PDE7B: variants seen among roughly 807,000 people sequenced by gnomAD.
PDE7B encodes the protein phosphodiesterase 7B.
A neutral mutation model predicts 56.2 loss-of-function variants in PDE7B; 29 were observed. The ratio of observed to expected loss-of-function variants is 0.52; its 90% CI spans 0.38 to 0.70. PDE7B has a LOEUF of 0.70. PDE7B is among the 30% of genes least tolerant of loss of function. The pLI, the probability that PDE7B is intolerant of heterozygous loss-of-function variation, is 0.00. For missense variants in PDE7B, 490 were observed against 565.0 expected (o/e 0.87, Z 1.35); for synonymous variants, 197 against 196.9 (o/e 1.00, Z 0.00).
chr6:136,057,838 G>A (rs901288539), intron 2 of PDE7B, among the ~76,000 whole-genome samples: 1 of 152,126 alleles, frequency 6.6e-6, no homozygotes, highest in Admixed American at 6.5e-5. Context: ...CCAGGTTCAA[G>A]CAATTCTCCT....
intron 8 of PDE7B, among the ~76,000 whole-genome samples, chr6:136,165,951 C>T (rs1778785761): frequency 6.6e-6 from 1 of 152,150 alleles, no homozygotes; most frequent in African/African-American, 2.4e-5. Flanking sequence ...CTCTGTCATA[C>T]GTGATGCTTA....
At chr6:135,953,586 GTTA>G (rs1054263629) in intron 2 of PDE7B, among the ~76,000 whole-genome samples, 8 of 151,512 alleles carry the variant, frequency 5.3e-5, no homozygotes, top group Admixed American at 2.0e-4. Context: ...ATAAATATAA[GTTA>G]TTATTTTTAT....
chr6:135,973,000 G>T (rs991081888), intron 2 of PDE7B, among the ~76,000 whole-genome samples: 1 of 152,070 alleles, frequency 6.6e-6, no homozygotes, highest in Non-Finnish European at 1.5e-5. Context: ...CAGGAGATCT[G>T]CCCTTTTAAC....
At chr6:136,029,421 T>C (rs1776202728) in intron 2 of PDE7B, among the ~76,000 whole-genome samples, 1 of 152,200 alleles carries the variant, frequency 6.6e-6, no homozygotes, top group South Asian at 2.1e-4. Context: ...TATGTGAACA[T>C]ATGCAAGTCA....
At chr6:136,176,367 T>C (rs1473568260) in intron 9 of PDE7B, among the ~76,000 whole-genome samples, 1 of 152,104 alleles carries the variant, frequency 6.6e-6, no homozygotes, top group Non-Finnish European at 1.5e-5. Context: ...ATTATAGATC[T>C]TTTCAGTTTA....
chr6:135,863,287 T>A (rs1443159876), intron 1 of PDE7B, among the ~76,000 whole-genome samples: 1 of 152,070 alleles, frequency 6.6e-6, no homozygotes, highest in Non-Finnish European at 1.5e-5. Context: ...TATTTTGCCA[T>A]CATTTGCTTA....
intron 2 of PDE7B, among the ~76,000 whole-genome samples, chr6:136,076,116 C>G (rs1227952327): frequency 6.6e-6 from 1 of 152,160 alleles, no homozygotes; most frequent in Non-Finnish European, 1.5e-5. Flanking sequence ...TGTATAGTGA[C>G]TGAGTTATAT....
In PDE7B at chr6:136,181,247, C is replaced by T. The variant is rs1372653476; in HGVS notation, c.969C>T (p.Asp323=). 2 of 1,613,534 alleles carry T rather than the reference C, an allele frequency of 1.2e-6. No individual in the cohort carries two copies. Among genetic ancestry groups the T allele is most frequent in the Admixed American group, 1.7e-5 (1 of 60,016 alleles). ...CTCAGATCGCCTTGAAGTGTGCTGA[C>T]ATTTGCAATCCTTGTAGAATCTGGG... is the stretch of plus-strand genomic sequence containing the variant. ...FMLQIALKCA[D]ICNPCRIWEM... Residue 323 remains aspartate (D), a synonymous_variant, in exon 11 of 13, where the codon GAC becomes GAT. Coordinates refer to ENST00000308191, the MANE Select transcript of PDE7B (RefSeq NM_018945.4).
At chr6:136,023,659 C>T (rs1776106890) in intron 2 of PDE7B, among the ~76,000 whole-genome samples, 1 of 152,162 alleles carries the variant, frequency 6.6e-6, no homozygotes, top group African/African-American at 2.4e-5. Flanking sequence ...TCAGTCTCTA[C>T]AGTCTCTTTC....
At position 135,932,136 on chromosome 6, in the gene PDE7B, A is replaced by G. The variant is rs1774305256; in HGVS notation, c.22-15328A>G. 5.3e-5 allele frequency among the ~76,000 whole-genome samples: 8 copies of G among 152,176 alleles called. No individual in the cohort carries two copies. The South Asian group carries it at 1.7e-3, about 32-fold the overall frequency. ...AAAAAATTTATAGGAAATTCAGGAA[A>G]GAAGAATGTTAACTTAGGCTCAAAA... is the stretch of plus-strand genomic sequence containing the variant. On this transcript the variant is annotated intron_variant, in intron 1 of 12. Coordinates refer to ENST00000308191, the MANE Select transcript of PDE7B (RefSeq NM_018945.4).
At chr6:136,149,919 C>G (rs1778482533) in intron 5 of PDE7B, among the ~76,000 whole-genome samples, 1 of 152,050 alleles carries the variant, frequency 6.6e-6, no homozygotes, top group African/African-American at 2.4e-5. Context: ...CGAAATGGAC[C>G]TTTACAGTGT....
chr6:135,917,430 A>G (rs569142904), intron 1 of PDE7B, among the ~76,000 whole-genome samples: 1 of 152,218 alleles, frequency 6.6e-6, no homozygotes, highest in East Asian at 1.9e-4. Flanking sequence ...TTTTAATTCT[A>G]AAAGTTTCAT....
At chr6:136,014,456 T>C (rs1775942617) in intron 2 of PDE7B, among the ~76,000 whole-genome samples, 1 of 152,260 alleles carries the variant, frequency 6.6e-6, no homozygotes, top group African/African-American at 2.4e-5. Context: ...AACACACTCT[T>C]ATTTGCAAGT....
At chr6:135,947,421 G>C in intron 1 of PDE7B, 43 bp from the exon 2 acceptor site, 1 of 1,430,118 alleles carries the variant, frequency 7.0e-7, no homozygotes. Context: ...TGGGAATCTT[G>C]ATATGAAATC....
intron 2 of PDE7B, among the ~76,000 whole-genome samples, chr6:136,061,714 G>C (rs1776844813): frequency 6.6e-6 from 1 of 152,182 alleles, no homozygotes; most frequent in South Asian, 2.1e-4. Context: ...TCAATGCTGG[G>C]CATAGTACCA....
chr6:135,946,663 A>C (rs1012990294), intron 1 of PDE7B, among the ~76,000 whole-genome samples: 1 of 152,054 alleles, frequency 6.6e-6, no homozygotes, highest in African/African-American at 2.4e-5. Flanking sequence ...CTACGGTTAA[A>C]TATGTTTTCT....
rs60829896 is a variant in PDE7B at position 135,935,190 on chromosome 6, TTATATATATA to T, written c.22-12256_22-12247del. On this transcript the variant is annotated intron_variant, in intron 1 of 12. Coordinates refer to ENST00000308191, the MANE Select transcript of PDE7B (RefSeq NM_018945.4). ...GAGAATTTTATATATATATATTTAT[TTATATATATA>T]TATATATATATATATATTTTCATGA... is the stretch of plus-strand genomic sequence containing the variant. Among the ~76,000 whole-genome samples, 5 of 36,188 alleles carry T rather than the reference TTATATATATA, an allele frequency of 1.4e-4. 1 individual carries two copies. Among genetic ancestry groups the T allele is most frequent in the African/African-American group, 3.6e-4 (3 of 8,354 alleles). 23.7% of individuals were successfully genotyped at this position (36,188 alleles called of 152,430 possible).
chr6:136,182,413 TA>T (rs1249728914), intron 11 of PDE7B, among the ~76,000 whole-genome samples: 2 of 152,200 alleles, frequency 1.3e-5, no homozygotes, highest in Non-Finnish European at 1.5e-5. Flanking sequence ...AAATTGGAGC[TA>T]GGGGGCTTTA....
chr6:136,166,158 C>CA (rs1343826861), intron 8 of PDE7B, among the ~76,000 whole-genome samples: 3 of 152,030 alleles, frequency 2.0e-5, no homozygotes, highest in African/African-American at 7.2e-5. Context: ...CCACATGTCC[C>CA]ACACTGAACT....
Sources: allele counts gnomAD v4.1 joint callset (sites outside exome capture counted in the v4.1 genomes callset), GRCh38; gene constraint gnomAD v4.1.1; transcripts MANE v1.5; gene names NCBI Gene and HGNC (gene_info 2026-07-23, HGNC 2026-07-21).